The following PRPF6 variants were observed in gnomAD, a reference collection of about 807,000 sequenced individuals.
PRPF6 encodes pre-mRNA processing factor 6, also known as pre-mRNA-processing factor 6.
A neutral mutation model predicts 118.3 loss-of-function variants in PRPF6; 42 were observed. That is an observed-to-expected ratio of 0.35 (90% CI 0.28 to 0.46). The LOEUF is 0.46. Among genes scored for constraint, PRPF6 ranks in the 20% least tolerant of loss-of-function variants. The probability of loss-of-function intolerance (pLI) is 1.00; values close to 1 mark genes in which losing one functional copy is unlikely to be tolerated. For synonymous variants in PRPF6, 481 were observed against 485.1 expected, an observed-to-expected ratio of 0.99 and a Z score of 0.11; for missense variants, 662 against 1,255.7, an observed-to-expected ratio of 0.53 and a Z score of 7.15.
chr20:64,004,884 TGC>T (rs1260250832), intron 9 of PRPF6, among the ~76,000 whole-genome samples: 1 of 152,234 alleles, frequency 6.6e-6, no homozygotes, highest in Non-Finnish European at 1.5e-5. Flanking sequence ...TAACGCCATA[TGC>T]TCTGGCCTGT....
Position 64,027,647 on chromosome 20 carries a change from T to C in PRPF6, c.2250T>C (p.Ser750=). The C allele has an allele frequency of 6.2e-7, 1 of 1,614,090 alleles. No homozygotes were observed. Among genetic ancestry groups the C allele is most frequent in the Non-Finnish European group, 8.5e-7 (1 of 1,180,008 alleles). ...PHSTPLWLLL[S]RLEEKIGQLT... ...CCACACCCCTGTGGCTTTTGCTCTC[T>C]CGGCTGGAGGAGAAGATTGGGCAGC... Residue 750 remains serine (S), a synonymous_variant, in exon 17 of 21, where the codon TCT becomes TCC. Coordinates refer to ENST00000266079, the MANE Select transcript of PRPF6 (RefSeq NM_012469.4). This position sits in a 1 kb window ranked among gnomAD's most constrained non-coding sequence, Gnocchi z 6.5.
chr20:64,009,347 G>A (rs546187112), intron 9 of PRPF6, among the ~76,000 whole-genome samples: 1 of 149,608 alleles, frequency 6.7e-6, no homozygotes, highest in African/African-American at 2.5e-5. Flanking sequence ...AATATTTGAA[G>A]TGAATTACGT....
rs2059148998 is a variant in PRPF6 at position 63,998,051 on chromosome 20, T to A, written c.772-994T>A. 2.0e-5 allele frequency among the ~76,000 whole-genome samples: 3 copies of A among 152,206 alleles called. No homozygotes were observed. In the East Asian group the frequency reaches 5.8e-4, roughly 29 times the overall value. On this transcript the variant is annotated intron_variant, in intron 6 of 20. Coordinates refer to ENST00000266079, the MANE Select transcript of PRPF6 (RefSeq NM_012469.4). ...TGCTGTGAATACGGGTGTACAGATA[T>A]TTGTCAGAGACCCTGCTTTCTATTC... is the stretch of plus-strand genomic sequence containing the variant.
intron 6 of PRPF6, 135 bp downstream of exon 6, chr20:63,995,617 T>A: frequency 1.0e-5 from 7 of 677,170 alleles, no homozygotes; most frequent in Non-Finnish European, 1.3e-5. Context: ...TCCTTCTCCT[T>A]TTTTTTTTTT....
rs1022595981 is a variant in PRPF6, at chr20:63,994,796, A to G, written c.439-120A>G. 7.7e-5 allele frequency: 101 copies of G among 1,316,136 alleles called. No individual in the cohort carries two copies. The African/African-American group carries it at 1.3e-3, about 17-fold the overall frequency. The allele number at this position is 1,316,136 out of a possible 1,614,324, so 81.5% of individuals were successfully genotyped here. ...AACAAAAGTAAAAAACAGTTGCTGC[A>G]TCCAAATCCCTTCTAAAGCTTGGTG... is the stretch of plus-strand genomic sequence containing the variant. On this transcript the variant is annotated intron_variant, in intron 4 of 20. Transcript: ENST00000266079.
chr20:64,023,086 C>A (rs2059273586), intron 13 of PRPF6, among the ~76,000 whole-genome samples: 2 of 152,172 alleles, frequency 1.3e-5, no homozygotes, highest in Non-Finnish European at 2.9e-5. Context: ...GCAATGATAC[C>A]ATTTTCTAGC....
chr20:63,999,074 C>T lies in PRPF6; in HGVS notation c.801C>T (p.Val267=), dbSNP rs138336365. ...QVSDSVSGQT[V]VDPKGYLTDL... is the part of the protein sequence containing the mutation. The stretch of plus-strand genomic sequence containing the variant: ...CTGACTCCGTGAGTGGACAGACCGT[C>T]GTTGACCCCAAAGGCTACCTGACGG... The change falls in exon 7 of 21, where the codon GTC becomes GTT. Residue 267 remains valine, a synonymous_variant. Coordinates refer to ENST00000266079, the MANE Select transcript of PRPF6 (RefSeq NM_012469.4). 4.2e-4 allele frequency: 676 copies of T among 1,613,804 alleles called. 1 individual carries two copies. The highest frequency in any genetic ancestry group is 1.7e-3 in the African/African-American group (125 of 75,018).
chr20:63,986,368 C>G (rs974954687), intron 3 of PRPF6, among the ~76,000 whole-genome samples: 3 of 148,924 alleles, frequency 2.0e-5, no homozygotes, highest in African/African-American at 7.5e-5. Context: ...AAAAAAAGAT[C>G]GTTCATCATG....
At chr20:64,010,997 G>A (rs887914200) in intron 10 of PRPF6, among the ~76,000 whole-genome samples, 1 of 152,178 alleles carries the variant, frequency 6.6e-6, no homozygotes, top group African/African-American at 2.4e-5. Flanking sequence ...GTCTGTGCCA[G>A]CCCCTGGTAT....
intron 13 of PRPF6, among the ~76,000 whole-genome samples, chr20:64,023,232 C>G (rs1177525366): frequency 1.3e-5 from 2 of 152,356 alleles, no homozygotes; most frequent in Non-Finnish European, 2.9e-5. Flanking sequence ...GGGGCAGCAT[C>G]TGGGCTCAGG....
chr20:63,998,437 A>G (rs951681417), intron 6 of PRPF6, among the ~76,000 whole-genome samples: 1 of 151,820 alleles, frequency 6.6e-6, no homozygotes, highest in African/African-American at 2.4e-5. Context: ...TGGGAGGCTG[A>G]GGCAGGAGGA....
intron 9 of PRPF6, among the ~76,000 whole-genome samples, chr20:64,007,814 G>A (rs1301410060): frequency 6.6e-6 from 1 of 151,922 alleles, no homozygotes; most frequent in East Asian, 1.9e-4. Flanking sequence ...GTCTCTCTCT[G>A]TCACCCAGGC....
intron 12 of PRPF6, among the ~76,000 whole-genome samples, chr20:64,021,184 C>CTG (rs141382746): frequency 1.3e-5 from 2 of 151,994 alleles, no homozygotes; most frequent in Non-Finnish European, 2.9e-5. Context: ...CCACAGCCCT[C>CTG]TGTGTGTGTG....
chr20:64,011,471 G>C lies in PRPF6; in HGVS notation c.1492G>C (p.Gly498Arg). ...DRAITSLRANGVEINREQWIQ... is the reference protein window; with the variant it reads ...DRAITSLRANRVEINREQWIQ... ...AGCCATCACCTCGCTGCGGGCCAAC[G>C]GTGTGGAGATCAACCGTGAGCAGTG... The change falls in exon 11 of 21, where the codon GGT becomes CGT. Residue 498 changes from glycine to arginine, a missense_variant. Around this residue, in one of 10 missense-constraint regions of PRPF6, gnomAD observed 189 missense variants for 323.5 expected, o/e 0.58. Coordinates refer to ENST00000266079, the MANE Select transcript of PRPF6 (RefSeq NM_012469.4). This position sits in a 1 kb window ranked among gnomAD's most constrained non-coding sequence, Gnocchi z 6.7. 6.2e-7 allele frequency: 1 copy of C among 1,613,754 alleles called. No individual in the cohort carries two copies.
chr20:64,031,812 G>T (rs970691263), intron 19 of PRPF6, 106 bp from the exon 20 acceptor site: 5 of 1,506,798 alleles, frequency 3.3e-6, no homozygotes, highest in Non-Finnish European at 4.6e-6. Flanking sequence ...GGGAGCACCA[G>T]GGCTGCGGGT....
intron 2 of PRPF6, among the ~76,000 whole-genome samples, chr20:63,983,564 T>G (rs2059080554): frequency 6.6e-6 from 1 of 151,168 alleles, no homozygotes; most frequent in South Asian, 2.1e-4. Context: ...GGCCAGTCTT[T>G]TTTTTTTGAG....
At chr20:64,030,056 A>G (rs1369655941) in intron 19 of PRPF6, among the ~76,000 whole-genome samples, 3 of 152,244 alleles carry the variant, frequency 2.0e-5, no homozygotes, top group African/African-American at 4.8e-5. Flanking sequence ...AGCAGCGGGT[A>G]GCCATGGGGC....
In PRPF6 at chr20:64,031,966, C is replaced by G. The variant is rs2059316623; in HGVS notation, c.2595C>G (p.His865Gln). ...RKITKAREWF[H>Q]RTVKIDSDLG... ...TCACCAAGGCCAGGGAGTGGTTCCACCGCACTGTGAAGATTGACTCGGACC... is the reference window on the plus strand; with the variant it reads ...TCACCAAGGCCAGGGAGTGGTTCCAGCGCACTGTGAAGATTGACTCGGACC... Residue 865 changes from histidine (H) to glutamine (Q), a missense_variant, in exon 20 of 21, where the codon CAC (histidine) becomes CAG (glutamine). Coordinates refer to ENST00000266079, the MANE Select transcript of PRPF6 (RefSeq NM_012469.4). The G allele has an allele frequency of 1.2e-6, 2 of 1,614,170 alleles. No homozygotes were observed. Among genetic ancestry groups the G allele is most frequent in the Non-Finnish European group, 1.7e-6 (2 of 1,180,034 alleles).
intron 19 of PRPF6, among the ~76,000 whole-genome samples, chr20:64,030,492 A>C (rs1011305520): frequency 6.6e-6 from 1 of 152,016 alleles, no homozygotes; most frequent in Non-Finnish European, 1.5e-5. Flanking sequence ...CCGCCCCCAC[A>C]GGCTTGCCTG....
Sources: allele counts gnomAD v4.1 joint callset (sites outside exome capture counted in the v4.1 genomes callset), GRCh38; gene constraint gnomAD v4.1.1; regional missense constraint gnomAD v4.1.1; non-coding constraint Gnocchi (gnomAD v3.1); transcripts MANE v1.5; gene names NCBI Gene and HGNC (gene_info 2026-07-23, HGNC 2026-07-21).